The following PALM2AKAP2 variants were observed in gnomAD, a reference collection of about 807,000 sequenced individuals.
The protein encoded by PALM2AKAP2 is PALM2 and AKAP2 fusion.
PALM2AKAP2 carries 37 observed loss-of-function variants against 71.5 expected under a neutral mutation model. The observed-to-expected ratio is 0.52, with a 90% confidence interval of 0.40 to 0.68. The LOEUF (loss-of-function observed/expected upper bound fraction) is 0.68. Among genes scored for constraint, PALM2AKAP2 ranks in the 30% least tolerant of loss-of-function variants. The pLI is 0.00. For synonymous variants in PALM2AKAP2, 468 were observed against 478.8 expected (o/e 0.98, Z 0.29); for missense variants, 1,224 against 1,191.8 (o/e 1.03, Z -0.40).
intron 6 of PALM2AKAP2, among the ~76,000 whole-genome samples, chr9:110,002,985 C>G (rs1271543334): frequency 6.6e-6 from 1 of 152,202 alleles, no homozygotes; most frequent in Non-Finnish European, 1.5e-5. Flanking sequence ...AAAACCACCT[C>G]CCGGATTCAT....
intron 1 of PALM2AKAP2, among the ~76,000 whole-genome samples, chr9:109,673,177 T>G (rs1452131876): frequency 6.6e-6 from 1 of 152,144 alleles, no homozygotes; most frequent in Non-Finnish European, 1.5e-5. Context: ...CTTACTTCTC[T>G]AGTTCTTTTA....
At chr9:110,055,178 T>TTTA (rs1300355379) in intron 1 of PALM2AKAP2, among the ~76,000 whole-genome samples, 1 of 151,514 alleles carries the variant, frequency 6.6e-6, no homozygotes, top group Non-Finnish European at 1.5e-5. Context: ...TAGTTTTTTT[T>TTTA]TTTAAATTTT....
At chr9:110,129,700 G>C (rs540566458) in intron 1 of PALM2AKAP2, among the ~76,000 whole-genome samples, 1 of 152,306 alleles carries the variant, frequency 6.6e-6, no homozygotes, top group Admixed American at 6.5e-5. Flanking sequence ...TGTCAGGGCT[G>C]TCTCATTCAC....
intron 7 of PALM2AKAP2, among the ~76,000 whole-genome samples, chr9:110,019,259 A>AAG (rs1554739073): frequency 0.013 from 1,913 of 150,574 alleles, 48 homozygotes; most frequent in African/African-American, 0.044. Flanking sequence ...AAAAAAAAAA[A>AAG]AGAGAGATAC....
rs146795140 is a variant in PALM2AKAP2, at chr9:109,900,078, A to T, written c.257+19397A>T. ...AAAGAAAACAATGACAAAAGTGCAG[A>T]TGACATGCCCATGGATACTCTGGAC... On this transcript the variant is annotated intron_variant, in intron 3 of 9. Transcript: ENST00000302798. Among the ~76,000 whole-genome samples, 456 of 152,336 alleles carry T rather than the reference A, an allele frequency of 3.0e-3. 2 individuals carry two copies. The highest frequency in any genetic ancestry group is 0.011 in the African/African-American group (446 of 41,576).
intron 1 of PALM2AKAP2, among the ~76,000 whole-genome samples, chr9:110,084,138 GTTTAGGC>G (rs1432882787): frequency 1.3e-5 from 2 of 152,198 alleles, no homozygotes; most frequent in Non-Finnish European, 2.9e-5. Context: ...TGATGGAAAA[GTTTAGGC>G]TTGAATTAGC....
At chr9:110,081,887 C>G (rs1396702356) in intron 1 of PALM2AKAP2, among the ~76,000 whole-genome samples, 1 of 152,070 alleles carries the variant, frequency 6.6e-6, no homozygotes, top group Non-Finnish European at 1.5e-5. Flanking sequence ...CTCTCCAAAC[C>G]TTCCTCACCA....
chr9:109,767,272 C>T (rs1282604164), intron 1 of PALM2AKAP2, among the ~76,000 whole-genome samples: 1 of 152,180 alleles, frequency 6.6e-6, no homozygotes, highest in Non-Finnish European at 1.5e-5. Context: ...GAGTGAAGGT[C>T]TCCTGGCTTT....
At chr9:109,993,111 G>C (rs1047907576) in intron 6 of PALM2AKAP2, among the ~76,000 whole-genome samples, 1 of 150,252 alleles carries the variant, frequency 6.7e-6, no homozygotes, top group Non-Finnish European at 1.5e-5. Flanking sequence ...GTCCCCTGCA[G>C]CTGCTCCTCT....
At chr9:109,723,903 A>T (rs1828439295) in intron 1 of PALM2AKAP2, among the ~76,000 whole-genome samples, 1 of 152,230 alleles carries the variant, frequency 6.6e-6, no homozygotes, top group South Asian at 2.1e-4. Context: ...ATAGGAAAAC[A>T]AATCAATGTT....
chr9:109,944,977 A>ACCC (rs780092602), intron 6 of PALM2AKAP2: 7 of 152,238 alleles, frequency 4.6e-5, no homozygotes, highest in Non-Finnish European at 7.3e-5. Context: ...TTGAAAAAAC[A>ACCC]TATGATATAC....
chr9:110,128,348 G>A (rs530708655), intron 1 of PALM2AKAP2, among the ~76,000 whole-genome samples: 1 of 152,308 alleles, frequency 6.6e-6, no homozygotes, highest in African/African-American at 2.4e-5. Context: ...ATTGCGTCCT[G>A]CGCACTGAAA....
intron 1 of PALM2AKAP2, among the ~76,000 whole-genome samples, chr9:109,816,834 T>G (rs1161204296): frequency 1.3e-5 from 2 of 152,104 alleles, no homozygotes; most frequent in African/African-American, 4.8e-5. Flanking sequence ...GGAAATGACA[T>G]GAAGGAGAAA....
At chr9:110,125,065 C>CACACATGCACATACCACATGCATGT (rs1835566759) in intron 1 of PALM2AKAP2, among the ~76,000 whole-genome samples, 2 of 152,168 alleles carry the variant, frequency 1.3e-5, no homozygotes, top group African/African-American at 4.8e-5. Context: ...CAGACACACG[C>CACACATGCACATACCACATGCATGT]ACACATGCAC....
At chr9:109,691,833 G>GATATATATATAT (rs1185965530) in intron 1 of PALM2AKAP2, among the ~76,000 whole-genome samples, 43 of 35,982 alleles carry the variant, frequency 1.2e-3, no homozygotes, top group Non-Finnish European at 1.8e-3. Context: ...CCAGAAAGAC[G>GATATATATATAT]ATATATATAT....
intron 1 of PALM2AKAP2, among the ~76,000 whole-genome samples, chr9:110,106,759 T>G (rs1223101832): frequency 6.6e-6 from 1 of 152,212 alleles, no homozygotes; most frequent in Non-Finnish European, 1.5e-5. Context: ...AGGGGATATG[T>G]GCATTTAAAT....
chr9:109,812,352 G>A (rs1179666296), intron 1 of PALM2AKAP2, among the ~76,000 whole-genome samples: 1 of 152,180 alleles, frequency 6.6e-6, no homozygotes, highest in Non-Finnish European at 1.5e-5. Context: ...TGAGATTGGA[G>A]AGGCAGCAGA....
At chr9:109,834,494 G>A (rs1828399157) in intron 1 of PALM2AKAP2, among the ~76,000 whole-genome samples, 1 of 152,168 alleles carries the variant, frequency 6.6e-6, no homozygotes, top group African/African-American at 2.4e-5. Flanking sequence ...TCATGTATTG[G>A]GATGTGAAGT....
At chr9:109,987,398 G>C (rs150658963) in intron 6 of PALM2AKAP2, among the ~76,000 whole-genome samples, 191 of 152,118 alleles carry the variant, frequency 1.3e-3, no homozygotes, top group Non-Finnish European at 2.2e-3. Context: ...CAAAGTGCTG[G>C]GATTACAGGC....
Sources: gnomAD v4.1 joint callset for allele counts (sites outside exome capture counted in the v4.1 genomes callset) on GRCh38, gnomAD v4.1.1 for gene constraint, MANE v1.5 for transcripts, NCBI Gene and HGNC (gene_info 2026-07-23, HGNC 2026-07-21) for gene names.